The following LYZL4 variants were observed in gnomAD, a reference collection of about 807,000 sequenced individuals.
The protein encoded by LYZL4 is lysozyme-like protein 4.
A neutral mutation model predicts 17.6 loss-of-function variants in LYZL4; 13 were observed. That is an observed-to-expected ratio of 0.74 (90% CI 0.48 to 1.18). The LOEUF is 1.18. LYZL4 is among the 50% of genes most tolerant of loss of function. LYZL4 has a pLI of 0.00. For synonymous variants in LYZL4, 64 were observed against 67.7 expected (o/e 0.95, Z 0.27); for missense variants, 174 against 188.2 (o/e 0.92, Z 0.44).
the LYZL4 span, among the ~76,000 whole-genome samples, chr3:42,378,553 G>A: frequency 6.6e-6 from 1 of 152,108 alleles, no homozygotes; most frequent in African/African-American, 2.4e-5. Flanking sequence ...TGGCTTCTGG[G>A]AGACAATAAA....
chr3:42,407,702 T>C (rs1428752634), intron 1 of LYZL4, among the ~76,000 whole-genome samples: 2 of 148,746 alleles, frequency 1.3e-5, no homozygotes. Context: ...AAAAGAGAAA[T>C]TAAAAAAAAA....
intron 1 of LYZL4, among the ~76,000 whole-genome samples, chr3:42,408,250 G>A (rs1698797320): frequency 6.6e-6 from 1 of 152,126 alleles, no homozygotes; most frequent in Non-Finnish European, 1.5e-5. Context: ...CCCACACTTG[G>A]CTTTCCAAGC....
chr3:42,372,144 G>A, the LYZL4 span, among the ~76,000 whole-genome samples: 1 of 152,346 alleles, frequency 6.6e-6, no homozygotes, highest in East Asian at 1.9e-4. Context: ...GGTAGCCAGG[G>A]CTTGGTCAGG....
the LYZL4 span, among the ~76,000 whole-genome samples, chr3:42,364,341 C>CTTTT: frequency 4.2e-5 from 5 of 119,892 alleles, no homozygotes; most frequent in South Asian, 2.7e-4. Flanking sequence ...TTTTTCTTTT[C>CTTTT]TTTTTTTTTT....
At chr3:42,374,807 A>G in the LYZL4 span, among the ~76,000 whole-genome samples, 1 of 152,072 alleles carries the variant, frequency 6.6e-6, no homozygotes, top group Non-Finnish European at 1.5e-5. Context: ...CCTTTCTGGC[A>G]TTCATAGTAT....
intron 1 of LYZL4, 29 bp from the exon 2 acceptor site, chr3:42,407,372 AG>A (rs1472523230): frequency 1.5e-6 from 2 of 1,316,792 alleles, no homozygotes; most frequent in East Asian, 4.8e-5. Flanking sequence ...AGCACAGTTC[AG>A]TGTCATCAGA....
the LYZL4 span, among the ~76,000 whole-genome samples, chr3:42,387,152 T>C: frequency 5.3e-5 from 8 of 152,356 alleles, no homozygotes; most frequent in African/African-American, 1.9e-4. Context: ...CAATATTTCA[T>C]TTAACTTTCA....
the LYZL4 span, among the ~76,000 whole-genome samples, chr3:42,379,976 G>A: frequency 6.6e-6 from 1 of 152,194 alleles, no homozygotes; most frequent in African/African-American, 2.4e-5. Context: ...AAAATTGTAA[G>A]TATTTTGAAG....
chr3:42,404,656 TATAG>T (rs986275608), intron 3 of LYZL4, among the ~76,000 whole-genome samples: 31 of 152,288 alleles, frequency 2.0e-4, no homozygotes, highest in Admixed American at 5.2e-4. Context: ...GAGATAGAGA[TATAG>T]ATAGATAGAT....
intron 3 of LYZL4, among the ~76,000 whole-genome samples, chr3:42,404,665 A>T (rs1698717757): frequency 6.6e-6 from 1 of 152,180 alleles, no homozygotes; most frequent in Non-Finnish European, 1.5e-5. Flanking sequence ...ATATAGATAG[A>T]TAGATGATAG....
intron 1 of LYZL4, among the ~76,000 whole-genome samples, chr3:42,408,710 A>C (rs1698809229): frequency 6.6e-6 from 1 of 151,834 alleles, no homozygotes. Flanking sequence ...AATTCATTGC[A>C]CCCTCCTGTT....
At chr3:42,393,460 AC>A (rs1338277514), downstream of LYZL4, among the ~76,000 whole-genome samples, 1 of 151,664 alleles carries the variant, frequency 6.6e-6, no homozygotes, top group African/African-American at 2.4e-5. Context: ...AAATCAGAAG[AC>A]CCCCATGGCC....
chr3:42,377,659 G>GTGTT, the LYZL4 span, among the ~76,000 whole-genome samples: 1 of 150,760 alleles, frequency 6.6e-6, no homozygotes, highest in South Asian at 2.1e-4. Flanking sequence ...GTGTGTGTGT[G>GTGTT]TGTGTGTGTC....
the LYZL4 span, among the ~76,000 whole-genome samples, chr3:42,365,008 G>A: frequency 2.6e-5 from 4 of 152,192 alleles, no homozygotes; most frequent in African/African-American, 9.7e-5. Flanking sequence ...GTGCTATGAA[G>A]CATGCAGCAT....
At chr3:42,381,626 A>G in the LYZL4 span, among the ~76,000 whole-genome samples, 21 of 152,350 alleles carry the variant, frequency 1.4e-4, no homozygotes, top group African/African-American at 4.8e-4. Flanking sequence ...AGGAAAATCT[A>G]TCTGAAATGG....
At chr3:42,378,630 G>C in the LYZL4 span, among the ~76,000 whole-genome samples, 1 of 152,202 alleles carries the variant, frequency 6.6e-6, no homozygotes. Flanking sequence ...GCTGGGGTTA[G>C]GGATGCCTCA....
chr3:42,367,502 G>A, the LYZL4 span, among the ~76,000 whole-genome samples: 7 of 152,176 alleles, frequency 4.6e-5, no homozygotes, highest in African/African-American at 1.7e-4. Flanking sequence ...ATCAAGACTG[G>A]GCTGGAGGAC....
the LYZL4 span, among the ~76,000 whole-genome samples, chr3:42,372,773 G>A: frequency 1.3e-5 from 2 of 152,242 alleles, no homozygotes; most frequent in Non-Finnish European, 2.9e-5. Context: ...TGGGCAGCAA[G>A]TTGCAGCTGC....
the LYZL4 span, among the ~76,000 whole-genome samples, chr3:42,379,648 T>G: frequency 6.6e-6 from 1 of 152,220 alleles, no homozygotes; most frequent in Non-Finnish European, 1.5e-5. Context: ...TCTCCAGAAC[T>G]CTGCCATCAA....
Sources: allele counts gnomAD v4.1 joint callset (sites outside exome capture counted in the v4.1 genomes callset), GRCh38; gene constraint gnomAD v4.1.1; transcripts MANE v1.5; gene names NCBI Gene and HGNC (gene_info 2026-07-23, HGNC 2026-07-21).